Variants in B3GALT5 observed in about 807,000 individuals in gnomAD.
B3GALT5 encodes the protein UDP-Gal:betaGlcNAc beta 1,3-galactosyltransferase, polypeptide 5.
For synonymous variants in B3GALT5, 156 were observed against 158.6 expected (o/e 0.98, Z 0.12); for missense variants, 328 against 396.6 (o/e 0.83, Z 1.47).
intron 1 of B3GALT5, among the ~76,000 whole-genome samples, chr21:39,629,912 G>C (rs1044231924): frequency 6.6e-6 from 1 of 152,162 alleles, no homozygotes; most frequent in African/African-American, 2.4e-5. Flanking sequence ...TACCAGTAAT[G>C]CTGGTTTAAA....
intron 2 of B3GALT5, among the ~76,000 whole-genome samples, chr21:39,652,078 A>C (rs1804795808): frequency 6.6e-6 from 1 of 152,138 alleles, no homozygotes; most frequent in Admixed American, 6.5e-5. Flanking sequence ...TGTGAGGTCC[A>C]ATTCTGTTCC....
In B3GALT5 at chr21:39,672,993, T is replaced by G. The variant is rs1177556116; in HGVS notation, c.*11501T>G. The stretch of plus-strand genomic sequence containing the variant: ...TCTCAGGTATATTTTAACTAAAAGC[T>G]ATCATTTAAGTTGAAGAAATCAAGT... On this transcript the variant is annotated 3_prime_UTR_variant, in exon 4 of 4. Coordinates refer to ENST00000684187, the MANE Select transcript of B3GALT5 (RefSeq NM_001356336.2). 2.0e-5 allele frequency: 3 copies of G among 152,266 alleles called. No individual in the cohort carries two copies. The highest frequency in any genetic ancestry group is 4.4e-5 in the Non-Finnish European group (3 of 68,054). The allele number at this position is 152,266 out of a possible 1,614,324, so 9.4% of individuals were successfully genotyped here.
At chr21:39,653,771 C>T (rs2079416443) in intron 2 of B3GALT5, among the ~76,000 whole-genome samples, 1 of 152,166 alleles carries the variant, frequency 6.6e-6, no homozygotes, top group Non-Finnish European at 1.5e-5. Flanking sequence ...GATCTCAGCC[C>T]TGGGATTGGG....
intron 1 of B3GALT5, among the ~76,000 whole-genome samples, chr21:39,629,791 T>C (rs111284758): frequency 0.015 from 2,345 of 152,320 alleles, 67 homozygotes; most frequent in African/African-American, 0.052. Context: ...TTTATCAAAC[T>C]TACTGTTAAT....
intron 1 of B3GALT5, among the ~76,000 whole-genome samples, chr21:39,638,815 G>A (rs768867445): frequency 1.3e-5 from 2 of 152,262 alleles, no homozygotes; most frequent in East Asian, 1.9e-4. Context: ...TTTGAGCAGC[G>A]GGGCATGGAA....
chr21:39,650,767 C>T (rs79521678), intron 2 of B3GALT5, among the ~76,000 whole-genome samples: 26,520 of 140,964 alleles, frequency 0.19, 2,342 homozygotes, highest in Admixed American at 0.21. Context: ...TTGAAATAGA[C>T]TTGACAGTTT....
chr21:39,638,599 C>T (rs1271416315), intron 1 of B3GALT5, among the ~76,000 whole-genome samples: 1 of 152,202 alleles, frequency 6.6e-6, no homozygotes, highest in African/African-American at 2.4e-5. Context: ...TACAGCAAGG[C>T]AAGAACCCCG....
chr21:39,624,599 A>G (rs1483369755), intron 1 of B3GALT5, among the ~76,000 whole-genome samples: 1 of 152,162 alleles, frequency 6.6e-6, no homozygotes, highest in Non-Finnish European at 1.5e-5. Context: ...GAATGAGGCA[A>G]ATGGTGGAGT....
At chr21:39,623,968 C>T (rs181118161) in intron 1 of B3GALT5, among the ~76,000 whole-genome samples, 1 of 152,114 alleles carries the variant, frequency 6.6e-6, no homozygotes, top group African/African-American at 2.4e-5. Flanking sequence ...CTTTGTCTGT[C>T]CAATAAGTCC....
intron 1 of B3GALT5, among the ~76,000 whole-genome samples, chr21:39,623,083 C>A: frequency 7.0e-6 from 1 of 142,030 alleles, no homozygotes; most frequent in Non-Finnish European, 1.5e-5. Context: ...TCCCTCCCTC[C>A]CTCCATCCTT....
Position 39,660,788 on chromosome 21 carries a change from C to G in B3GALT5, c.229C>G (p.Arg77Gly). The part of the protein sequence containing the change: ...HKQLAERMAI[R>G]QTWGKERMVK... ...ACAGTTGGCTGAGCGCATGGCCATC[C>G]GGCAGACGTGGGGGAAAGAGAGGAT... Residue 77 changes from arginine (R) to glycine (G), a missense_variant, in exon 4 of 4, where the codon CGG (arginine) becomes GGG (glycine). Arg to Gly is a moderately radical substitution (Grantham distance 125, BLOSUM62 -2). Coordinates refer to ENST00000684187, the MANE Select transcript of B3GALT5 (RefSeq NM_001356336.2). The G allele has an allele frequency of 6.4e-7, 1 of 1,572,688 alleles. No homozygotes were observed. The highest frequency in any genetic ancestry group is 8.6e-7 in the Non-Finnish European group (1 of 1,159,944).
intron 1 of B3GALT5, among the ~76,000 whole-genome samples, chr21:39,644,632 G>T (rs1486295697): frequency 2.0e-5 from 3 of 152,224 alleles, no homozygotes; most frequent in African/African-American, 7.2e-5. Context: ...TATCCCTAGA[G>T]AGAGTGAAGG....
At chr21:39,638,820 A>T (rs907882358) in intron 1 of B3GALT5, among the ~76,000 whole-genome samples, 1 of 152,274 alleles carries the variant, frequency 6.6e-6, no homozygotes, top group African/African-American at 2.4e-5. Context: ...GCAGCGGGGC[A>T]TGGAAGAAGC....
Position 39,661,773 on chromosome 21 carries a change from C to T in B3GALT5, c.*281C>T, listed in dbSNP as rs2079528421. 1.3e-5 allele frequency: 4 copies of T among 300,468 alleles called. No homozygotes were observed. The highest frequency in any genetic ancestry group is 2.6e-5 in the Non-Finnish European group (4 of 153,458). The allele number at this position is 300,468 out of a possible 1,614,324, so 18.6% of individuals were successfully genotyped here. A position where few individuals can be genotyped will look rare whatever the true frequency, so the allele number is the denominator to read the frequency against. On this transcript the variant is annotated 3_prime_UTR_variant, in exon 4 of 4. Transcript: ENST00000684187. The surrounding 1 kb of genome is among the most constrained non-coding windows in gnomAD (Gnocchi z 4.7). ...TATCCTATGACATGATGGGTGTTAC[C>T]ATCCTAATTTTACAGGCAAGGACAC...
At chr21:39,639,400 T>TTTCTTTCTTTCTTTCTTTC (rs1555926182) in intron 1 of B3GALT5, among the ~76,000 whole-genome samples, 1 of 57,156 alleles carries the variant, frequency 1.7e-5, no homozygotes, top group Non-Finnish European at 3.4e-5. Flanking sequence ...CCTTCTTTCT[T>TTTCTTTCTTTCTTTCTTTC]TTTCTTTCTT....
chr21:39,639,400 T>TTCTTTTTCTTTCTTTCTTTCTTTC (rs1339331444), intron 1 of B3GALT5, among the ~76,000 whole-genome samples: 1 of 57,156 alleles, frequency 1.7e-5, no homozygotes, highest in South Asian at 6.7e-4. Context: ...CCTTCTTTCT[T>TTCTTTTTCTTTCTTTCTTTCTTTC]TTTCTTTCTT....
chr21:39,646,091 A>T (rs1413390422), intron 1 of B3GALT5, among the ~76,000 whole-genome samples: 1 of 151,854 alleles, frequency 6.6e-6, no homozygotes, highest in East Asian at 1.9e-4. Flanking sequence ...CAAGATCGAG[A>T]ACAGAGAATG....
chr21:39,636,622 AC>A (rs749424255), intron 1 of B3GALT5, among the ~76,000 whole-genome samples: 15 of 151,906 alleles, frequency 9.9e-5, no homozygotes, highest in Non-Finnish European at 2.2e-4. Flanking sequence ...CTGTGCACAC[AC>A]CTTATTGTTG....
At position 39,646,422 on chromosome 21, in the gene B3GALT5, A is replaced by C. The variant is rs147579362; in HGVS notation, c.-361A>C. ...TCTGGAAGAGAGGCCATTGAAACCAAGCATTTGTGTTCAAGTAAGAAAATG... is the reference window on the plus strand; with the variant it reads ...TCTGGAAGAGAGGCCATTGAAACCACGCATTTGTGTTCAAGTAAGAAAATG... On this transcript the variant is annotated 5_prime_UTR_variant, in exon 2 of 4. Transcript: ENST00000684187. The C allele has an allele frequency of 1.3e-3, 194 of 152,368 alleles. 1 individual carries two copies. Among genetic ancestry groups the C allele is most frequent in the African/African-American group, 4.4e-3 (182 of 41,588 alleles). 9.4% of individuals were successfully genotyped at this position (152,368 alleles called of 1,614,324 possible).
Sources: allele counts gnomAD v4.1 joint callset (sites outside exome capture counted in the v4.1 genomes callset), GRCh38; gene constraint gnomAD v4.1.1; non-coding constraint Gnocchi (gnomAD v3.1); transcripts MANE v1.5; gene names NCBI Gene and HGNC (gene_info 2026-07-23, HGNC 2026-07-21).